The following ZNF556 variants were observed in gnomAD, a reference collection of about 807,000 sequenced individuals.
ZNF556 encodes zinc finger protein 556.
A neutral mutation model predicts 13.6 loss-of-function variants in ZNF556; 11 were observed. The observed-to-expected ratio is 0.81, with a 90% CI of 0.51 to 1.33. ZNF556 has a LOEUF of 1.33. ZNF556 is among the 40% of genes most tolerant of loss of function. The pLI is 0.00. For synonymous variants in ZNF556, 229 were observed against 207.8 expected (o/e 1.10, Z -0.88); for missense variants, 633 against 566.2 (o/e 1.12, Z -1.20).
rs1469677167 is a variant in ZNF556 at position 2,881,983 on chromosome 19, C to T, written c.*3654C>T. On this transcript the variant is annotated 3_prime_UTR_variant, in exon 4 of 4. Transcript: ENST00000307635. ...AAAAGTATCTAGGCATGGTGATGTG[C>T]ACTTGTAGAGCCAGCTACTCAGGAG... 1 of 151,990 alleles carries T rather than the reference C, an allele frequency of 6.6e-6. No homozygotes were observed. Among genetic ancestry groups the T allele is most frequent in the Non-Finnish European group, 1.5e-5 (1 of 68,028 alleles). 9.4% of individuals were successfully genotyped at this position (151,990 alleles called of 1,614,324 possible).
At position 2,880,701 on chromosome 19, in the gene ZNF556, G is replaced by C. The variant is rs530987806; in HGVS notation, c.*2372G>C. 7.9e-6 allele frequency: 1 copy of C among 126,566 alleles called. No homozygotes were observed. The highest frequency in any genetic ancestry group is 1.8e-5 in the Non-Finnish European group (1 of 55,826). 7.8% of individuals were successfully genotyped at this position (126,566 alleles called of 1,614,324 possible). A position where few individuals can be genotyped will look rare whatever the true frequency, so the allele number is the denominator to read the frequency against. On this transcript the variant is annotated 3_prime_UTR_variant, in exon 4 of 4. Transcript: ENST00000307635. ...GGAGAATGGCTTGAACCTGGGAGGC[G>C]GAGCTTGCCAAGATTGCGACACTGC... is the stretch of plus-strand genomic sequence containing the variant.
intron 1 of ZNF556, among the ~76,000 whole-genome samples, chr19:2,869,663 G>A (rs1402151181): frequency 2.0e-5 from 3 of 152,076 alleles, no homozygotes; most frequent in Non-Finnish European, 2.9e-5. Flanking sequence ...CACCGCGCCC[G>A]GCCTAGATCT....
Position 2,879,485 on chromosome 19 carries a change from G to C in ZNF556, c.*1156G>C, listed in dbSNP as rs905426063. ...CTGCCTCAGCCTCCCAAGTAGCTGG[G>C]ACTATAGGCATGCACCACCATGTCC... On this transcript the variant is annotated 3_prime_UTR_variant, in exon 4 of 4. Coordinates refer to ENST00000307635, the MANE Select transcript of ZNF556 (RefSeq NM_024967.3). 2 of 152,154 alleles carry C rather than the reference G, an allele frequency of 1.3e-5. No homozygotes were observed. The highest frequency in any genetic ancestry group is 2.9e-5 in the Non-Finnish European group (2 of 68,140). 9.4% of individuals were successfully genotyped at this position (152,154 alleles called of 1,614,324 possible). A position where few individuals can be genotyped will look rare whatever the true frequency, so the allele number is the denominator to read the frequency against.
At chr19:2,874,136 A>T (rs2087829359) in intron 2 of ZNF556, among the ~76,000 whole-genome samples, 1 of 152,054 alleles carries the variant, frequency 6.6e-6, no homozygotes, top group Non-Finnish European at 1.5e-5. Flanking sequence ...GCGTGCCTGT[A>T]ATCCCAGCTA....
intron 2 of ZNF556, 43 bp downstream of exon 2, chr19:2,873,665 A>G (rs2087824749): frequency 1.3e-6 from 2 of 1,593,886 alleles, no homozygotes; most frequent in Non-Finnish European, 1.7e-6. Context: ...TAGATAATAA[A>G]TGTTTTGTCT....
At chr19:2,877,167 G>C in intron 3 of ZNF556, 106 bp from the exon 4 acceptor site, 1 of 904,750 alleles carries the variant, frequency 1.1e-6, no homozygotes, top group Non-Finnish European at 1.6e-6. Context: ...CCAAGATCAT[G>C]CCACTGCACT....
Position 2,877,264 on chromosome 19 carries a change from C to A in ZNF556, c.315-9C>A, listed in dbSNP as rs977837625. On this transcript the variant is annotated splice_polypyrimidine_tract_variant and intron_variant, in intron 3 of 3. Coordinates refer to ENST00000307635, the MANE Select transcript of ZNF556 (RefSeq NM_024967.3). ...CATAAACCATTAATAATGTGCTACC[C>A]ATTTTTAGCAGAAATCCAAGGGTGG... 5.7e-6 allele frequency: 9 copies of A among 1,590,934 alleles called. No homozygotes were observed. Among genetic ancestry groups the A allele is most frequent in the Non-Finnish European group, 6.8e-6 (8 of 1,168,564 alleles).
rs542573466 is a variant in ZNF556 at position 2,877,869 on chromosome 19, G to A, written c.911G>A (p.Arg304Gln). ...KAYCWATSFQ[R>Q]HVRIHNGEKP... is the part of the protein sequence containing the mutation. ...TACTGCTGGGCAACATCCTTTCAAC[G>A]ACACGTGAGAATTCACAACGGGGAG... is the stretch of plus-strand genomic sequence containing the variant. The change falls in exon 4 of 4, where the codon CGA (arginine) becomes CAA (glutamine). Residue 304 changes from arginine to glutamine, a missense_variant. Physicochemically the swap from Arg to Gln is conservative, Grantham distance 43. Coordinates refer to ENST00000307635, the MANE Select transcript of ZNF556 (RefSeq NM_024967.3). 25 of 1,614,070 alleles carry A rather than the reference G, an allele frequency of 1.5e-5. No individual in the cohort carries two copies. Among genetic ancestry groups the A allele is most frequent in the South Asian group, 9.9e-5 (9 of 91,086 alleles).
At position 2,877,475 on chromosome 19, in the gene ZNF556, A is replaced by G; in HGVS notation, c.517A>G (p.Lys173Glu). 1 of 1,614,166 alleles carries G rather than the reference A, an allele frequency of 6.2e-7. No individual in the cohort carries two copies. The highest frequency in any genetic ancestry group is 8.5e-7 in the Non-Finnish European group (1 of 1,180,042). Reference sequence around the variant, plus strand: ...GCACAAAAGAGCTCACTCTGGACAAAAATTATATAAATGTAAGGAATGTGG... The same window carrying G: ...GCACAAAAGAGCTCACTCTGGACAAGAATTATATAAATGTAAGGAATGTGG... Reference protein sequence around the residue: ...IRHKRAHSGQKLYKCKECGKA... With the variant: ...IRHKRAHSGQELYKCKECGKA... Residue 173 changes from lysine (K) to glutamate (E), a missense_variant, in exon 4 of 4, where the codon AAA becomes GAA. Lys to Glu is a moderately conservative substitution (Grantham distance 56, BLOSUM62 1). Coordinates refer to ENST00000307635, the MANE Select transcript of ZNF556 (RefSeq NM_024967.3).
chr19:2,872,710 T>A (rs991345195), intron 1 of ZNF556, among the ~76,000 whole-genome samples: 1 of 150,874 alleles, frequency 6.6e-6, no homozygotes, highest in Admixed American at 6.7e-5. Context: ...TCCCAGCTAC[T>A]CAGGAGGCTG....
intron 1 of ZNF556, among the ~76,000 whole-genome samples, chr19:2,870,855 C>T (rs566172894): frequency 7.3e-5 from 11 of 151,098 alleles, no homozygotes; most frequent in East Asian, 2.0e-4. Context: ...CTGGCTAACA[C>T]GGTGAAACCC....
Position 2,883,029 on chromosome 19 carries a change from T to C in ZNF556, c.*4700T>C, listed in dbSNP as rs1391716034. Reference sequence around the variant, plus strand: ...CTACACACTGATGGAAAAATTGTGTTCTGCAGAAAACTAGAGTTCCTCACA... The same window carrying C: ...CTACACACTGATGGAAAAATTGTGTCCTGCAGAAAACTAGAGTTCCTCACA... On this transcript the variant is annotated 3_prime_UTR_variant, in exon 4 of 4. Coordinates refer to ENST00000307635, the MANE Select transcript of ZNF556 (RefSeq NM_024967.3). 1 of 152,222 alleles carries C rather than the reference T, an allele frequency of 6.6e-6. No individual in the cohort carries two copies. The highest frequency in any genetic ancestry group is 1.5e-5 in the Non-Finnish European group (1 of 68,052). The allele number at this position is 152,222 out of a possible 1,614,324, so 9.4% of individuals were successfully genotyped here.
At chr19:2,870,841 T>C (rs58501529) in intron 1 of ZNF556, among the ~76,000 whole-genome samples, 27,817 of 150,758 alleles carry the variant, frequency 0.18, 3,888 homozygotes, top group African/African-American at 0.4. Flanking sequence ...AGATCGAGAC[T>C]ATCCTGGCTA....
chr19:2,879,796 T>G lies in ZNF556; in HGVS notation c.*1467T>G, dbSNP rs558078518. 6.6e-6 allele frequency: 1 copy of G among 151,670 alleles called. No homozygotes were observed. The highest frequency in any genetic ancestry group is 1.5e-5 in the Non-Finnish European group (1 of 67,948). 9.4% of individuals were successfully genotyped at this position (151,670 alleles called of 1,614,324 possible). On this transcript the variant is annotated 3_prime_UTR_variant, in exon 4 of 4. Coordinates refer to ENST00000307635, the MANE Select transcript of ZNF556 (RefSeq NM_024967.3). ...CTGTAATCCCAGCACTTTGGGAGGC[T>G]GAGGTGGGCGGATCACGAGGTCAGG...
chr19:2,871,979 A>G (rs2087806631), intron 1 of ZNF556, among the ~76,000 whole-genome samples: 1 of 152,140 alleles, frequency 6.6e-6, no homozygotes, highest in Non-Finnish European at 1.5e-5. Flanking sequence ...GAGAGAGAGG[A>G]GACAGAGAGT....
At position 2,881,395 on chromosome 19, in the gene ZNF556, G is replaced by A. The variant is rs2087903720; in HGVS notation, c.*3066G>A. 2 of 151,980 alleles carry A rather than the reference G, an allele frequency of 1.3e-5. No individual in the cohort carries two copies. The highest frequency in any genetic ancestry group is 1.3e-4 in the Admixed American group (2 of 15,232). 9.4% of individuals were successfully genotyped at this position (151,980 alleles called of 1,614,324 possible). ...CACGCTGGCCAACATGGTGAACATG[G>A]TGAAACCTTGTCTCTACTAAAAATA... On this transcript the variant is annotated 3_prime_UTR_variant, in exon 4 of 4. Transcript: ENST00000307635.
Position 2,876,131 on chromosome 19 carries a change from C to A in ZNF556, c.169C>A (p.Gln57Lys). 1.2e-6 allele frequency: 2 copies of A among 1,612,376 alleles called. No homozygotes were observed. Among genetic ancestry groups the A allele is most frequent in the Non-Finnish European group, 1.7e-6 (2 of 1,179,608 alleles). ...GCTTAAAGCCAGTGGGTCTATTTCT[C>A]AGCAGGATACTTCTGGAGAAAAATT... The part of the protein sequence containing the change: ...AQLKASGSIS[Q>K]QDTSGEKLSL... Residue 57 changes from glutamine (Q) to lysine (K), a missense_variant, in exon 3 of 4, where the codon CAG becomes AAG. By Grantham distance (53) the Gln-to-Lys change is moderately conservative. Coordinates refer to ENST00000307635, the MANE Select transcript of ZNF556 (RefSeq NM_024967.3).
Position 2,877,377 on chromosome 19 carries a change from G to T in ZNF556, c.419G>T (p.Cys140Phe). ...TGTAATCGTCATCTGCGCAAGAATT[G>T]TTGTACTAGTGTAAGACGGTACGAA... ...RNCNRHLRKNCCTSVRRYECS... is the reference protein window; with the variant it reads ...RNCNRHLRKNFCTSVRRYECS... Residue 140 changes from cysteine to phenylalanine, a missense_variant, in exon 4 of 4, where the codon TGT becomes TTT. Coordinates refer to ENST00000307635, the MANE Select transcript of ZNF556 (RefSeq NM_024967.3). The T allele has an allele frequency of 2.5e-6, 4 of 1,614,186 alleles. No homozygotes were observed. The highest frequency in any genetic ancestry group is 3.4e-6 in the Non-Finnish European group (4 of 1,180,052).
chr19:2,871,159 G>A (rs56733623), intron 1 of ZNF556, among the ~76,000 whole-genome samples: 6,801 of 147,248 alleles, frequency 0.046, 510 homozygotes, highest in African/African-American at 0.17. Context: ...GTGAGATGCC[G>A]TCTCAAGAAA....
Sources: allele counts gnomAD v4.1 joint callset (sites outside exome capture counted in the v4.1 genomes callset), GRCh38; gene constraint gnomAD v4.1.1; transcripts MANE v1.5; gene names NCBI Gene and HGNC (gene_info 2026-07-23, HGNC 2026-07-21).